CCAR1: variants seen among roughly 807,000 people sequenced by gnomAD.
CCAR1 encodes cell division cycle and apoptosis regulator protein 1.
Under a neutral mutation model 163.8 loss-of-function variants are expected in CCAR1, and 78 were observed. The observed-to-expected ratio is 0.48, with a 90% CI of 0.40 to 0.57. The LOEUF (loss-of-function observed/expected upper bound fraction) is 0.57. Ranked by LOEUF, CCAR1 falls within the 20% of genes least tolerant of loss-of-function variation. CCAR1 has a pLI of 0.00. For missense variants in CCAR1, 1,019 were observed against 1,365.2 expected, an observed-to-expected ratio of 0.75 and a Z score of 4.00; for synonymous variants, 443 against 460.7, an observed-to-expected ratio of 0.96 and a Z score of 0.49.
chr10:68,727,029 A>AT (rs899406061), intron 2 of CCAR1, among the ~76,000 whole-genome samples: 2 of 147,658 alleles, frequency 1.4e-5, no homozygotes, highest in African/African-American at 5.0e-5. Context: ...AATTCACAGA[A>AT]TTTTTTTCAA....
intron 10 of CCAR1, among the ~76,000 whole-genome samples, chr10:68,753,534 G>A (rs958042714): frequency 6.6e-6 from 1 of 152,160 alleles, no homozygotes; most frequent in Non-Finnish European, 1.5e-5. Flanking sequence ...GTAATCCACA[G>A]TTCCAACTGA....
chr10:68,770,429 G>A (rs2056587466), intron 17 of CCAR1, among the ~76,000 whole-genome samples: 3 of 152,272 alleles, frequency 2.0e-5, no homozygotes, highest in Admixed American at 2.0e-4. Flanking sequence ...AAATGAATAA[G>A]GTACACTTAT....
intron 5 of CCAR1, 60 bp downstream of exon 5, chr10:68,740,721 A>G: frequency 1.5e-6 from 2 of 1,306,356 alleles, no homozygotes; most frequent in African/African-American, 1.5e-5. Context: ...CTAAAGCTTT[A>G]TTAGTATTCT....
At chr10:68,755,080 T>C in intron 12 of CCAR1, 1 of 629,680 alleles carries the variant, frequency 1.6e-6, no homozygotes, top group Non-Finnish European at 2.9e-6. Flanking sequence ...TTAGTGGTAA[T>C]AGGATTCAGA....
intron 5 of CCAR1, 25 bp from the exon 6 acceptor site, chr10:68,742,351 A>G (rs773772414): frequency 6.4e-7 from 1 of 1,556,208 alleles, no homozygotes; most frequent in South Asian, 1.2e-5. Context: ...CATTACCTTA[A>G]TTTGATGTTG....
chr10:68,728,784 G>A (rs539258426), intron 2 of CCAR1, among the ~76,000 whole-genome samples: 3 of 152,122 alleles, frequency 2.0e-5, no homozygotes, highest in African/African-American at 7.2e-5. Flanking sequence ...GTGAAACCCT[G>A]CCTCTACTAA....
chr10:68,747,214 C>T lies in CCAR1; in HGVS notation c.572C>T (p.Thr191Ile). 6.2e-7 allele frequency: 1 copy of T among 1,611,436 alleles called. No homozygotes were observed. Among genetic ancestry groups the T allele is most frequent in the Non-Finnish European group, 8.5e-7 (1 of 1,179,176 alleles). Reference protein sequence around the residue: ...QVGDRVLVEATYNPNMPFKWN... With the variant: ...QVGDRVLVEAIYNPNMPFKWN... ...GGTGACAGAGTATTGGTTGAAGCTA[C>T]TTATAATCCTAATATGCCTTTTAAA... is the stretch of plus-strand genomic sequence containing the variant. Residue 191 changes from threonine to isoleucine, a missense_variant, in exon 7 of 25, where the codon ACT (threonine) becomes ATT (isoleucine). By Grantham distance (89) the Thr-to-Ile change is moderately conservative. Transcript: ENST00000265872.
At position 68,754,033 on chromosome 10, in the gene CCAR1, G is replaced by T; in HGVS notation, c.1300G>T (p.Ala434Ser). 1 of 1,613,840 alleles carries T rather than the reference G, an allele frequency of 6.2e-7. No homozygotes were observed. The highest frequency in any genetic ancestry group is 8.5e-7 in the Non-Finnish European group (1 of 1,179,868). ...AGTAGAGTCCTTAGAAAAAAATATGGCCATTCTTGATCCACCAGATGCTGA... is the reference window on the plus strand; with the variant it reads ...AGTAGAGTCCTTAGAAAAAAATATGTCCATTCTTGATCCACCAGATGCTGA... ...REVESLEKNM[A>S]ILDPPDADHL... The change falls in exon 11 of 25, where the codon GCC becomes TCC. Residue 434 changes from alanine to serine, a missense_variant. By Grantham distance (99) the Ala-to-Ser change is moderately conservative. This residue lies in a region of CCAR1 where 644 missense variants were observed against 904.4 expected (regional missense o/e 0.71). Transcript: ENST00000265872.
At chr10:68,777,013 G>A (rs1820049354) in intron 19 of CCAR1, among the ~76,000 whole-genome samples, 1 of 152,104 alleles carries the variant, frequency 6.6e-6, no homozygotes. Flanking sequence ...CTTAGCCTTT[G>A]CCAACCATCT....
intron 19 of CCAR1, among the ~76,000 whole-genome samples, chr10:68,778,579 T>C (rs1469951801): frequency 1.3e-5 from 2 of 152,154 alleles, no homozygotes; most frequent in African/African-American, 4.8e-5. Context: ...ACATACTCTT[T>C]ATTTTGCTCA....
intron 23 of CCAR1, among the ~76,000 whole-genome samples, chr10:68,789,205 G>A (rs917658775): frequency 6.6e-6 from 1 of 151,796 alleles, no homozygotes; most frequent in Admixed American, 6.6e-5. Context: ...CACTGCGCCT[G>A]GCCTCCACTT....
At chr10:68,786,742 C>G (rs370187272) in intron 21 of CCAR1, 50 bp downstream of exon 21, 1 of 1,481,516 alleles carries the variant, frequency 6.7e-7, no homozygotes, top group Non-Finnish European at 9.2e-7. Context: ...TAAAAGTTAC[C>G]TTTCCAGTGA....
At chr10:68,744,079 T>G (rs1293422976) in intron 6 of CCAR1, among the ~76,000 whole-genome samples, 2 of 152,122 alleles carry the variant, frequency 1.3e-5, no homozygotes, top group Non-Finnish European at 2.9e-5. Flanking sequence ...GAGACAGGGT[T>G]TCACCATGTT....
rs1237147939 is a variant in CCAR1, at chr10:68,754,843, T to C, written c.1458+16T>C. ...ACTTGTTAAGGTAAAAGGACACATT[T>C]GTTTTAACTTTAGATGTATTCACTT... On this transcript the variant is annotated intron_variant, in intron 12 of 24. Transcript: ENST00000265872. 4.4e-6 allele frequency: 6 copies of C among 1,375,234 alleles called. No individual in the cohort carries two copies. The highest frequency in any genetic ancestry group is 1.8e-4 in the Middle Eastern group (1 of 5,628). 85.2% of individuals were successfully genotyped at this position (1,375,234 alleles called of 1,614,324 possible).
intron 17 of CCAR1, 95 bp from the exon 18 acceptor site, chr10:68,771,111 G>A (rs1228659340): frequency 7.5e-6 from 8 of 1,063,316 alleles, no homozygotes; most frequent in East Asian, 2.5e-5. Context: ...TTACATAATC[G>A]TTGTATGTGG....
At chr10:68,746,082 C>T (rs891704807) in intron 6 of CCAR1, among the ~76,000 whole-genome samples, 3 of 150,870 alleles carry the variant, frequency 2.0e-5, no homozygotes, top group South Asian at 4.2e-4. Context: ...AAGTGATTCT[C>T]CTGCCTCAGC....
At position 68,757,922 on chromosome 10, in the gene CCAR1, T is replaced by C. The variant is rs1050331284; in HGVS notation, c.1920+545T>C. ...CGCCCGGCTAATTGTTTTGTATTTT[T>C]AGTAGAGATCGGGTTTCACCGTGTT... On this transcript the variant is annotated intron_variant, in intron 15 of 24. Transcript: ENST00000265872. 3.9e-5 allele frequency among the ~76,000 whole-genome samples: 6 copies of C among 152,082 alleles called. No homozygotes were observed. In the South Asian group the frequency reaches 6.2e-4, roughly 16 times the overall value.
At chr10:68,724,385 G>C (rs750303845) in intron 2 of CCAR1, among the ~76,000 whole-genome samples, 4 of 152,098 alleles carry the variant, frequency 2.6e-5, no homozygotes, top group Non-Finnish European at 5.9e-5. Flanking sequence ...AGAAGTACTT[G>C]AACCGGGGAG....
chr10:68,743,501 G>A (rs757627718), intron 6 of CCAR1, among the ~76,000 whole-genome samples: 5 of 151,624 alleles, frequency 3.3e-5, no homozygotes, highest in Non-Finnish European at 5.9e-5. Flanking sequence ...TTTTTCTGAA[G>A]AAACTCAAGT....
Sources: allele counts gnomAD v4.1 joint callset (sites outside exome capture counted in the v4.1 genomes callset), GRCh38; gene constraint gnomAD v4.1.1; regional missense constraint gnomAD v4.1.1; transcripts MANE v1.5; gene names NCBI Gene and HGNC (gene_info 2026-07-23, HGNC 2026-07-21).